Variants in SEC14L1 observed in about 807,000 individuals in gnomAD.
SEC14L1 encodes SEC14 like lipid binding 1.
A neutral mutation model predicts 85.3 loss-of-function variants in SEC14L1; 48 were observed. The observed-to-expected ratio is 0.56, with a 90% CI of 0.45 to 0.72. The LOEUF (loss-of-function observed/expected upper bound fraction) is 0.72. Ranked by LOEUF, SEC14L1 falls within the 30% of genes least tolerant of loss-of-function variation. SEC14L1 has a pLI of 0.00. For synonymous variants in SEC14L1, 391 were observed against 355.5 expected, an observed-to-expected ratio of 1.10 and a Z score of -1.12; for missense variants, 682 against 921.4, an observed-to-expected ratio of 0.74 and a Z score of 3.36.
intron 1 of SEC14L1, chr17:77,141,309 C>G (rs1199503524): frequency 7.8e-6 from 1 of 128,766 alleles, no homozygotes; most frequent in Middle Eastern, 3.6e-3. Context: ...CGCCCCCCTG[C>G]TCGCCCCTCG....
intron 3 of SEC14L1, among the ~76,000 whole-genome samples, chr17:77,162,424 A>C (rs905573957): frequency 2.0e-5 from 3 of 152,218 alleles, no homozygotes; most frequent in Admixed American, 2.0e-4. Flanking sequence ...TGAGATGAGA[A>C]TGGAAAATAG....
Position 77,192,247 on chromosome 17 carries a change from A to G in SEC14L1, c.345+935A>G, listed in dbSNP as rs75579490. 3.5e-4 allele frequency among the ~76,000 whole-genome samples: 53 copies of G among 152,206 alleles called. No individual in the cohort carries two copies. In the East Asian group the frequency reaches 8.9e-3, roughly 25 times the overall value. Reference sequence around the variant, plus strand: ...CACTGCTTACCACCCTGTTTCAAGAACTTCTTTTATCAGATTTTTAGAATA... The same window carrying G: ...CACTGCTTACCACCCTGTTTCAAGAGCTTCTTTTATCAGATTTTTAGAATA... On this transcript the variant is annotated intron_variant, in intron 5 of 16. Coordinates refer to ENST00000436233, the MANE Select transcript of SEC14L1 (RefSeq NM_001143998.2).
At position 77,213,108 on chromosome 17, in the gene SEC14L1, G is replaced by GC. The variant is rs1235822165; in HGVS notation, c.1864-205dup. On this transcript the variant is annotated intron_variant, in intron 15 of 16. Coordinates refer to ENST00000436233, the MANE Select transcript of SEC14L1 (RefSeq NM_001143998.2). The surrounding 1 kb of genome is among the most constrained non-coding windows in gnomAD (Gnocchi z 7.1). ...GGAGCTTGTCCCTCCGGGCTTCCCAGCACCCGGGAGTGACCACACTCAGTA... is the reference window on the plus strand; with the variant it reads ...GGAGCTTGTCCCTCCGGGCTTCCCAGCCACCCGGGAGTGACCACACTCAGTA... Among the ~76,000 whole-genome samples, 1 of 152,232 alleles carries GC rather than the reference G, an allele frequency of 6.6e-6. No homozygotes were observed. Among genetic ancestry groups the GC allele is most frequent in the Non-Finnish European group, 1.5e-5 (1 of 68,024 alleles).
rs941542815 is a variant in SEC14L1, at chr17:77,214,169, T to C, written c.*146T>C. 5 of 1,425,716 alleles carry C rather than the reference T, an allele frequency of 3.5e-6. No homozygotes were observed. In the African/African-American group the frequency reaches 4.3e-5, roughly 12 times the overall value. The allele number at this position is 1,425,716 out of a possible 1,614,324, so 88.3% of individuals were successfully genotyped here. On this transcript the variant is annotated 3_prime_UTR_variant, in exon 17 of 17. Coordinates refer to ENST00000436233, the MANE Select transcript of SEC14L1 (RefSeq NM_001143998.2). ...GCTCTCAGATGGTAAACGTAGTCGT[T>C]TGATCCCAAAACTACCTTGGCAGGT...
rs538355138 is a variant in SEC14L1, at chr17:77,179,084, C to T, written c.64-11719C>T. Among the ~76,000 whole-genome samples the T allele has an allele frequency of 5.3e-5, 8 of 152,286 alleles. No homozygotes were observed. The East Asian group carries it at 1.5e-3, about 29-fold the overall frequency. On this transcript the variant is annotated intron_variant, in intron 3 of 16. Coordinates refer to ENST00000436233, the MANE Select transcript of SEC14L1 (RefSeq NM_001143998.2). ...AAGAATATATATCATGTCTGGAACT[C>T]TTGGAGCAAAGGAGTGGGTGTACGA...
intron 11 of SEC14L1, 141 bp downstream of exon 11, chr17:77,205,487 C>T: frequency 1.3e-6 from 1 of 750,172 alleles, no homozygotes; most frequent in East Asian, 2.7e-5. Context: ...TGTAATATGC[C>T]AGTGACGAGG....
intron 3 of SEC14L1, among the ~76,000 whole-genome samples, chr17:77,114,332 G>C (rs1972119538): frequency 6.6e-6 from 1 of 151,734 alleles, no homozygotes; most frequent in Non-Finnish European, 1.5e-5. Flanking sequence ...AGACCAGCCT[G>C]ACCAACATGG....
Position 77,134,476 on chromosome 17 carries a change from G to T in SEC14L1, c.-135-8170G>T, listed in dbSNP as rs112857365. Among the ~76,000 whole-genome samples, 924 of 152,192 alleles carry T rather than the reference G, an allele frequency of 6.1e-3. 18 individuals carry two copies. Among genetic ancestry groups the T allele is most frequent in the African/African-American group, 0.021 (877 of 41,532 alleles). ...CTCATGCCTGTAATCCCAGCCCTTT[G>T]GGAGGTGGAGGTGGGTGATCACTTG... is the stretch of plus-strand genomic sequence containing the variant. On this transcript the variant is annotated intron_variant, in intron 3 of 19. Coordinates refer to the SEC14L1 transcript ENST00000392476.
chr17:77,209,323 G>C lies in SEC14L1; in HGVS notation c.1477-19G>C. 1.2e-6 allele frequency: 2 copies of C among 1,613,818 alleles called. No homozygotes were observed. Among genetic ancestry groups the C allele is most frequent in the Non-Finnish European group, 1.7e-6 (2 of 1,179,770 alleles). On this transcript the variant is annotated intron_variant, in intron 13 of 16. Transcript: ENST00000436233. The stretch of plus-strand genomic sequence containing the variant: ...GGTTTGTGTTTGCACAGGTTTCACT[G>C]CTGTGTTTCTTCTTCCAGTGCGAAG...
At chr17:77,181,020 T>TA (rs1975012070) in intron 3 of SEC14L1, 2 of 152,226 alleles carry the variant, frequency 1.3e-5, no homozygotes, top group Non-Finnish European at 1.5e-5. Flanking sequence ...TTGTCACTCT[T>TA]ACGGTCTAGA....
chr17:77,090,102 G>C (rs549387755), intron 2 of SEC14L1: 4 of 152,200 alleles, frequency 2.6e-5, no homozygotes, highest in African/African-American at 7.2e-5. Context: ...GCCGAGGCAG[G>C]CAGATCATCT....
chr17:77,205,123 C>T (rs565107085), intron 10 of SEC14L1, 153 bp from the exon 11 acceptor site: 13 of 630,284 alleles, frequency 2.1e-5, no homozygotes, highest in South Asian at 1.2e-4. Flanking sequence ...ATGTGTTTAG[C>T]GCATGTGAAT....
intron 3 of SEC14L1, among the ~76,000 whole-genome samples, chr17:77,189,042 A>G (rs79417259): frequency 0.012 from 1,839 of 151,984 alleles, 23 homozygotes; most frequent in South Asian, 0.047. Flanking sequence ...TACCATCTTA[A>G]CCATTTTTAA....
At chr17:77,139,099 C>T (rs939973249), upstream of SEC14L1, among the ~76,000 whole-genome samples, 55 of 151,402 alleles carry the variant, frequency 3.6e-4, no homozygotes, top group African/African-American at 1.3e-3. Flanking sequence ...TTAGCATGTT[C>T]CTCTATTCTG....
intron 3 of SEC14L1, among the ~76,000 whole-genome samples, chr17:77,149,299 G>A (rs1159240135): frequency 1.3e-5 from 2 of 152,184 alleles, no homozygotes; most frequent in African/African-American, 4.8e-5. Flanking sequence ...CCAAGCGCGG[G>A]TGCTAAGGAC....
intron 3 of SEC14L1, among the ~76,000 whole-genome samples, chr17:77,174,847 CT>C (rs1243765207): frequency 6.6e-6 from 1 of 152,246 alleles, no homozygotes; most frequent in Non-Finnish European, 1.5e-5. Flanking sequence ...TCTGTTACGA[CT>C]GCAAGAGCAC....
At chr17:77,202,779 G>A (rs1435098784) in intron 9 of SEC14L1, among the ~76,000 whole-genome samples, 1 of 151,904 alleles carries the variant, frequency 6.6e-6, no homozygotes, top group Non-Finnish European at 1.5e-5. Flanking sequence ...AATTAGCCGG[G>A]CATGGCAGCG....
intron 3 of SEC14L1, among the ~76,000 whole-genome samples, chr17:77,107,150 C>T (rs112355990): frequency 1.8e-4 from 28 of 152,280 alleles, no homozygotes; most frequent in African/African-American, 6.0e-4. Context: ...AGCCAACCAC[C>T]GTGGACCCAC....
chr17:77,186,394 G>A (rs946530460), intron 3 of SEC14L1, among the ~76,000 whole-genome samples: 8 of 152,240 alleles, frequency 5.3e-5, no homozygotes, highest in Non-Finnish European at 8.8e-5. Context: ...GGCCCAGCCT[G>A]CATGCCTCCT....
Sources: allele counts gnomAD v4.1 joint callset (sites outside exome capture counted in the v4.1 genomes callset), GRCh38; gene constraint gnomAD v4.1.1; non-coding constraint Gnocchi (gnomAD v3.1); transcripts MANE v1.5; gene names NCBI Gene and HGNC (gene_info 2026-07-23, HGNC 2026-07-21).